Variants in PTK7 observed in about 807,000 individuals in gnomAD.
PTK7 encodes the protein protein tyrosine kinase 7 (inactive).
Under a neutral mutation model 116.6 loss-of-function variants are expected in PTK7, and 39 were observed. That is an observed-to-expected ratio of 0.33 (90% CI 0.26 to 0.44). The LOEUF (loss-of-function observed/expected upper bound fraction) is 0.44, where lower values mean the gene tolerates loss of function less well. PTK7 is among the 20% of genes least tolerant of loss of function. PTK7 has a pLI of 1.00. For missense variants in PTK7, 1,169 were observed against 1,425.6 expected, an observed-to-expected ratio of 0.82 and a Z score of 2.90; for synonymous variants, 546 against 563.6, an observed-to-expected ratio of 0.97 and a Z score of 0.44.
chr6:43,116,651 T>TGTGTGCGCGCGC (rs1323606377), intron 1 of PTK7, among the ~76,000 whole-genome samples: 25 of 77,278 alleles, frequency 3.2e-4, no homozygotes, highest in African/African-American at 1.5e-3. Flanking sequence ...TGTGTGTGTG[T>TGTGTGCGCGCGC]GCGCGCGCAC....
chr6:43,131,027 CATCACA>C (rs1355275767), intron 5 of PTK7, among the ~76,000 whole-genome samples: 1 of 109,328 alleles, frequency 9.1e-6, no homozygotes, highest in Non-Finnish European at 1.8e-5. Flanking sequence ...GTGGCAAAGA[CATCACA>C]CACACACACA....
chr6:43,079,896 C>CAA (rs757923431), intron 1 of PTK7, among the ~76,000 whole-genome samples: 13 of 62,022 alleles, frequency 2.1e-4, no homozygotes, highest in Non-Finnish European at 3.3e-4. Context: ...TCCACCTGTA[C>CAA]AAAAAAAAAA....
chr6:43,158,279 A>G (rs1463955196), intron 17 of PTK7, among the ~76,000 whole-genome samples: 1 of 151,786 alleles, frequency 6.6e-6, no homozygotes, highest in Non-Finnish European at 1.5e-5. Context: ...AGCCTGGGCA[A>G]CAGAGCAAGA....
At chr6:43,125,854 G>GC (rs1769258892) in intron 1 of PTK7, among the ~76,000 whole-genome samples, 1 of 152,142 alleles carries the variant, frequency 6.6e-6, no homozygotes, top group South Asian at 2.1e-4. Context: ...CAGGATCTGA[G>GC]CCCAGCCTGT....
chr6:43,120,341 A>G (rs1432706467), intron 1 of PTK7, among the ~76,000 whole-genome samples: 1 of 152,220 alleles, frequency 6.6e-6, no homozygotes, highest in Non-Finnish European at 1.5e-5. Context: ...CTTGGGGGAT[A>G]AAGCTCTCAG....
intron 1 of PTK7, among the ~76,000 whole-genome samples, chr6:43,113,592 G>A (rs921378921): frequency 4.6e-5 from 7 of 152,126 alleles, no homozygotes; most frequent in African/African-American, 1.4e-4. Context: ...GTCAGAGCCC[G>A]GGCCTGGCCC....
chr6:43,160,897 A>C lies in PTK7; in HGVS notation c.*16A>C. 1 of 1,612,650 alleles carries C rather than the reference A, an allele frequency of 6.2e-7. No individual in the cohort carries two copies. Among genetic ancestry groups the C allele is most frequent in the Non-Finnish European group, 8.5e-7 (1 of 1,179,568 alleles). Reference sequence around the variant, plus strand: ...CAAGCCGTGAGGAGGGAGCCCGCTCAGGATGGCCTGGGCAGGGGAGGACAT... The same window carrying C: ...CAAGCCGTGAGGAGGGAGCCCGCTCCGGATGGCCTGGGCAGGGGAGGACAT... On this transcript the variant is annotated 3_prime_UTR_variant, in exon 20 of 20. Transcript: ENST00000230419.
At chr6:43,154,846 C>T (rs138168177) in intron 17 of PTK7, among the ~76,000 whole-genome samples, 69 of 152,366 alleles carry the variant, frequency 4.5e-4, no homozygotes, top group African/African-American at 1.7e-3. Context: ...AACCTCTGTG[C>T]CCACTGGTGG....
chr6:43,081,709 T>C (rs1766392391), intron 1 of PTK7, among the ~76,000 whole-genome samples: 1 of 152,204 alleles, frequency 6.6e-6, no homozygotes, highest in South Asian at 2.1e-4. Flanking sequence ...CCAGCCGATA[T>C]AACAGGTCCT....
intron 7 of PTK7, among the ~76,000 whole-genome samples, chr6:43,138,346 A>G (rs1770170769): frequency 1.3e-5 from 2 of 152,122 alleles, no homozygotes; most frequent in Admixed American, 1.3e-4. Flanking sequence ...AATGTTAACT[A>G]AGTTAATTAA....
At position 43,129,258 on chromosome 6, in the gene PTK7, A is replaced by T. The variant is rs1403392105; in HGVS notation, c.361A>T (p.Ile121Phe). 8.1e-6 allele frequency: 13 copies of T among 1,614,004 alleles called. No individual in the cohort carries two copies. Among genetic ancestry groups the T allele is most frequent in the Non-Finnish European group, 1.1e-5 (13 of 1,180,024 alleles). ...EARSANASFN[I>F]KWIEAGPVVL... ...CCGCAGTGCCAACGCCTCCTTCAAC[A>T]TCAAATGTGAGAGCCAGGGGGGCTG... Residue 121 changes from isoleucine to phenylalanine, a missense_variant, in exon 2 of 20, where the codon ATC (isoleucine) becomes TTC (phenylalanine). Physicochemically the swap from Ile to Phe is conservative, Grantham distance 21 (BLOSUM62 0). This residue lies in a region of PTK7 where 487 missense variants were observed against 549.8 expected (regional missense o/e 0.89). Coordinates refer to ENST00000230419, the MANE Select transcript of PTK7 (RefSeq NM_002821.5). This position sits in a 1 kb window ranked among gnomAD's most constrained non-coding sequence, Gnocchi z 4.5.
chr6:43,076,398 G>A lies in PTK7; in HGVS notation c.-91G>A. ...CTGCGGCTGCTGCTGCGGCGCCCGC[G>A]CTCCGGTGCGCTCCGCCTCCTGTGC... is the stretch of plus-strand genomic sequence containing the variant. On this transcript the variant is annotated 5_prime_UTR_variant, in exon 1 of 20. Transcript: ENST00000230419. This position sits in a 1 kb window ranked among gnomAD's most constrained non-coding sequence, Gnocchi z 5.7. The A allele has an allele frequency of 1.9e-6, 2 of 1,037,046 alleles. No homozygotes were observed. Among genetic ancestry groups the A allele is most frequent in the Non-Finnish European group, 1.3e-6 (1 of 792,846 alleles). 64.2% of individuals were successfully genotyped at this position (1,037,046 alleles called of 1,614,324 possible). A position where few individuals can be genotyped will look rare whatever the true frequency, so the allele number is the denominator to read the frequency against.
intron 17 of PTK7, among the ~76,000 whole-genome samples, chr6:43,156,938 A>G (rs1405461524): frequency 2.2e-4 from 21 of 94,194 alleles, no homozygotes; most frequent in African/African-American, 1.1e-3. Context: ...AATGTTGTGA[A>G]AAAAAAAAAA....
intron 1 of PTK7, among the ~76,000 whole-genome samples, chr6:43,102,954 GA>G (rs1767667090): frequency 6.6e-6 from 1 of 152,146 alleles, no homozygotes; most frequent in Non-Finnish European, 1.5e-5. Context: ...AAAAAAGACT[GA>G]AAGTCTAAAT....
In PTK7 at chr6:43,121,732, C is replaced by T. The variant is rs367653139; in HGVS notation, c.80-7245C>T. ...GAGACATTCTAAATCCTCAGAGTCA[C>T]AAATAGCCCTGCAGCATTTTGTGTT... is the stretch of plus-strand genomic sequence containing the variant. On this transcript the variant is annotated intron_variant, in intron 1 of 19. Coordinates refer to ENST00000230419, the MANE Select transcript of PTK7 (RefSeq NM_002821.5). 1.3e-4 allele frequency among the ~76,000 whole-genome samples: 20 copies of T among 152,308 alleles called. No homozygotes were observed. In the East Asian group the frequency reaches 3.1e-3, roughly 24 times the overall value.
intron 1 of PTK7, among the ~76,000 whole-genome samples, chr6:43,102,379 C>T (rs1048568818): frequency 7.9e-5 from 12 of 151,906 alleles, no homozygotes; most frequent in African/African-American, 1.7e-4. Context: ...GAGCCAAGGC[C>T]GTGCCACTGC....
intron 1 of PTK7, among the ~76,000 whole-genome samples, chr6:43,086,264 C>T (rs1226970533): frequency 1.3e-5 from 2 of 152,122 alleles, no homozygotes; most frequent in East Asian, 3.9e-4. Context: ...CCCCAGTCAG[C>T]GACTCTGTTA....
intron 10 of PTK7, among the ~76,000 whole-genome samples, chr6:43,140,128 A>G (rs1309555951): frequency 2.6e-5 from 4 of 151,162 alleles, no homozygotes; most frequent in Admixed American, 1.3e-4. Context: ...GAAAAAAGAA[A>G]CAAAAGTTAC....
chr6:43,116,651 T>TGTGTGTGTGTGC (rs1323606377), intron 1 of PTK7, among the ~76,000 whole-genome samples: 1 of 77,214 alleles, frequency 1.3e-5, no homozygotes, highest in African/African-American at 6.5e-5. Flanking sequence ...TGTGTGTGTG[T>TGTGTGTGTGTGC]GCGCGCGCAC....
Sources: gnomAD v4.1 joint callset for allele counts (sites outside exome capture counted in the v4.1 genomes callset) on GRCh38, gnomAD v4.1.1 for gene constraint, gnomAD v4.1.1 regional missense constraint, Gnocchi (gnomAD v3.1) non-coding constraint, MANE v1.5 for transcripts, NCBI Gene and HGNC (gene_info 2026-07-23, HGNC 2026-07-21) for gene names.